The following ATP13A5 variants were observed in gnomAD, a reference collection of about 807,000 sequenced individuals.
The protein encoded by ATP13A5 is probable cation-transporting ATPase 13A5.
ATP13A5 carries 149 observed loss-of-function variants against 150.2 expected under a neutral mutation model. The ratio of observed to expected loss-of-function variants is 0.99; its 90% CI spans 0.87 to 1.14. The LOEUF is 1.14. ATP13A5 is among the 50% of genes most tolerant of loss of function. The pLI is 0.00. For synonymous variants in ATP13A5, 497 were observed against 522.2 expected (o/e 0.95, Z 0.66); for missense variants, 1,383 against 1,449.3 (o/e 0.95, Z 0.74).
chr3:193,321,591 AC>A, intron 16 of ATP13A5, 89 bp downstream of exon 16: 1 of 1,425,688 alleles, frequency 7.0e-7, no homozygotes, highest in Non-Finnish European at 9.6e-7. Flanking sequence ...AGATCGTGCC[AC>A]TGCACTCCAG....
rs755279570 is a variant in ATP13A5 at position 193,275,142 on chromosome 3, A to C, written c.3557T>G (p.Phe1186Cys). The C allele has an allele frequency of 6.2e-7, 1 of 1,614,150 alleles. No homozygotes were observed. The highest frequency in any genetic ancestry group is 8.5e-7 in the Non-Finnish European group (1 of 1,180,030). The stretch of plus-strand genomic sequence containing the variant: ...GCTTTCATAGCCTCCGTTGATGTAG[A>C]ATCCATTTTTGCCATCACCTGAATA... ...TDYSGDGKNGFYINGGYESHE... is the reference protein window; with the variant it reads ...TDYSGDGKNGCYINGGYESHE... Residue 1186 changes from phenylalanine (F) to cysteine (C), a missense_variant, in exon 30 of 30, where the codon TTC becomes TGC. Around this residue, in one of 3 missense-constraint regions of ATP13A5, gnomAD observed 568 missense variants for 621.5 expected, o/e 0.91. Coordinates refer to ENST00000342358, the MANE Select transcript of ATP13A5 (RefSeq NM_198505.4).
chr3:193,348,493 T>C (rs1712439145), intron 7 of ATP13A5, among the ~76,000 whole-genome samples: 2 of 152,148 alleles, frequency 1.3e-5, no homozygotes, highest in Admixed American at 6.5e-5. Context: ...TACAGTTCAA[T>C]GCAAATACAG....
In ATP13A5 at chr3:193,362,583, G is replaced by A. The variant is rs149501118; in HGVS notation, c.439C>T (p.Arg147Trp). The change falls in exon 4 of 30, where the codon CGG (arginine) becomes TGG (tryptophan). Residue 147 changes from arginine to tryptophan, a missense_variant. Physicochemically the swap from Arg to Trp is moderately radical, Grantham distance 101. Coordinates refer to ENST00000342358, the MANE Select transcript of ATP13A5 (RefSeq NM_198505.4). Reference protein sequence around the residue: ...IRYVWNDLEKRFQKVGLLEDS... With the variant: ...IRYVWNDLEKWFQKVGLLEDS... ...TGTACTTACCCAACTTTCTGAAACC[G>A]CTTCTCCAGGTCGTTCCAAACATAC... is the stretch of plus-strand genomic sequence containing the variant. 70 of 1,613,966 alleles carry A rather than the reference G, an allele frequency of 4.3e-5. No individual in the cohort carries two copies. In the African/African-American group the frequency reaches 6.5e-4, roughly 15 times the overall value.
intron 25 of ATP13A5, among the ~76,000 whole-genome samples, chr3:193,293,959 G>A (rs1487459595): frequency 6.6e-6 from 1 of 151,964 alleles, no homozygotes; most frequent in African/African-American, 2.4e-5. Flanking sequence ...TGAATTTCAC[G>A]ATCCCACCTT....
At chr3:193,286,844 C>A (rs1344959746) in intron 26 of ATP13A5, among the ~76,000 whole-genome samples, 1 of 152,104 alleles carries the variant, frequency 6.6e-6, no homozygotes, top group African/African-American at 2.4e-5. Flanking sequence ...CCAAGACAGG[C>A]CAAAAGCTAG....
rs1439965996 is a variant in ATP13A5, at chr3:193,321,811, C to T, written c.1785G>A (p.Leu595=). 6.2e-7 allele frequency: 1 copy of T among 1,614,066 alleles called. No individual in the cohort carries two copies. Among genetic ancestry groups the T allele is most frequent in the Non-Finnish European group, 8.5e-7 (1 of 1,179,992 alleles). ...SKSPVEAIIT[L]CQFPFSSSLQ... ...GGCTCGAGGAAAATGGAAACTGGCA[C>T]AAGGTGATGATGGCTTCCACTGGAC... Residue 595 remains leucine, a synonymous_variant, in exon 16 of 30, where the codon TTG becomes TTA. Transcript: ENST00000342358.
chr3:193,339,657 C>A (rs759836531), intron 9 of ATP13A5, among the ~76,000 whole-genome samples: 3 of 152,126 alleles, frequency 2.0e-5, no homozygotes, highest in Non-Finnish European at 2.9e-5. Flanking sequence ...TGATATTCAT[C>A]CATTGTGTAG....
At chr3:193,289,367 TAAAC>T (rs1283413820) in intron 26 of ATP13A5, among the ~76,000 whole-genome samples, 2 of 152,104 alleles carry the variant, frequency 1.3e-5, no homozygotes, top group Middle Eastern at 3.2e-3. Context: ...AAAAACAAAA[TAAAC>T]AAATCTCTCT....
chr3:193,307,010 A>G, intron 22 of ATP13A5: 1 of 724,734 alleles, frequency 1.4e-6, no homozygotes, highest in Non-Finnish European at 1.7e-6. Context: ...TTGAGAAATC[A>G]TTTCATTACT....
At position 193,322,474 on chromosome 3, in the gene ATP13A5, A is replaced by T. The variant is rs775535130; in HGVS notation, c.1758+17T>A. The T allele has an allele frequency of 6.3e-7, 1 of 1,587,284 alleles. No individual in the cohort carries two copies. The highest frequency in any genetic ancestry group is 8.6e-7 in the Non-Finnish European group (1 of 1,156,752). On this transcript the variant is annotated intron_variant, in intron 15 of 29. Transcript: ENST00000342358. ...TTATGGGGAAAGAGCTATGTGATGT[A>T]AAGAAGGAAATCATACCTTACTGGC...
At chr3:193,347,557 T>C (rs138100996) in intron 7 of ATP13A5, among the ~76,000 whole-genome samples, 2 of 151,224 alleles carry the variant, frequency 1.3e-5, no homozygotes, top group African/African-American at 4.9e-5. Context: ...GTTTAGATAA[T>C]GCCAAATTCA....
chr3:193,325,961 G>C (rs1719452698), intron 13 of ATP13A5, among the ~76,000 whole-genome samples: 1 of 152,174 alleles, frequency 6.6e-6, no homozygotes, highest in African/African-American at 2.4e-5. Context: ...TCTGGGCAAA[G>C]GGCTGGCCGG....
chr3:193,314,078 C>T lies in ATP13A5; in HGVS notation c.2274G>A (p.Val758=). The T allele has an allele frequency of 6.2e-7, 1 of 1,613,826 alleles. No homozygotes were observed. The highest frequency in any genetic ancestry group is 1.1e-5 in the South Asian group (1 of 91,052). The change falls in exon 19 of 30, where the codon GTG becomes GTA. Residue 758 remains valine, a synonymous_variant. Coordinates refer to ENST00000342358, the MANE Select transcript of ATP13A5 (RefSeq NM_198505.4). ...DEPEEFVPAS[V]TWQLVENQET... is the part of the protein sequence containing the mutation. The stretch of plus-strand genomic sequence containing the variant: ...CTTGGTTCTCCACCAGCTGCCAGGT[C>T]ACAGAGGCAGGAACAAATTCTTCTG...
At chr3:193,344,151 G>T in intron 8 of ATP13A5, 96 bp from the exon 9 acceptor site, 2 of 1,464,378 alleles carry the variant, frequency 1.4e-6, no homozygotes, top group South Asian at 2.8e-5. Context: ...TGTTGGCCAA[G>T]AGCTACCCTA....
rs773917749 is a variant in ATP13A5 at position 193,359,790 on chromosome 3, T to TGTGTGTGTGTGC, written c.536+2579_536+2590dup. Reference sequence around the variant, plus strand: ...TGATTGGTCTGGACTTAACCTCAAGTGTGTGTGTGTGCATGTGTGTGTGTG... The same window carrying TGTGTGTGTGTGC: ...TGATTGGTCTGGACTTAACCTCAAGTGTGTGTGTGTGCGTGTGTGTGTGCATGTGTGTGTGTG... On this transcript the variant is annotated intron_variant, in intron 5 of 29. Transcript: ENST00000342358. Among the ~76,000 whole-genome samples, 13 of 151,836 alleles carry TGTGTGTGTGTGC rather than the reference T, an allele frequency of 8.6e-5. No homozygotes were observed. In the South Asian group the frequency reaches 2.7e-3, roughly 32 times the overall value.
chr3:193,305,275 A>G (rs73074720), intron 23 of ATP13A5, among the ~76,000 whole-genome samples: 2,655 of 152,310 alleles, frequency 0.017, 104 homozygotes, highest in African/African-American at 0.06. Flanking sequence ...CAAATAGAGG[A>G]GAGAAAAAGT....
At position 193,324,946 on chromosome 3, in the gene ATP13A5, G is replaced by T; in HGVS notation, c.1592C>A (p.Ala531Asp). The T allele has an allele frequency of 1.2e-6, 2 of 1,614,086 alleles. No individual in the cohort carries two copies. The highest frequency in any genetic ancestry group is 1.1e-5 in the South Asian group (1 of 91,084). ...VPWSPLCAAMASCHSLILLNG... is the reference protein window; with the variant it reads ...VPWSPLCAAMDSCHSLILLNG... Reference sequence around the variant, plus strand: ...GAGAAGGATCAGAGAGTGGCAGCTGGCCATGGCCGCACACAGTGGGCTCCA... The same window carrying T: ...GAGAAGGATCAGAGAGTGGCAGCTGTCCATGGCCGCACACAGTGGGCTCCA... Residue 531 changes from alanine to aspartate, a missense_variant, in exon 14 of 30, where the codon GCC (alanine) becomes GAC (aspartate). Transcript: ENST00000342358.
At chr3:193,316,359 G>A (rs79467390) in intron 17 of ATP13A5, among the ~76,000 whole-genome samples, 2,227 of 152,046 alleles carry the variant, frequency 0.015, 47 homozygotes, top group Admixed American at 0.052. Context: ...GGATCACCTG[G>A]TGATCCAATG....
intron 7 of ATP13A5, among the ~76,000 whole-genome samples, chr3:193,350,258 T>C (rs576378691): frequency 5.3e-4 from 81 of 152,236 alleles, no homozygotes; most frequent in African/African-American, 1.9e-3. Context: ...AAAAATATGA[T>C]GGCATTAATA....
Sources: allele counts gnomAD v4.1 joint callset (sites outside exome capture counted in the v4.1 genomes callset), GRCh38; gene constraint gnomAD v4.1.1; regional missense constraint gnomAD v4.1.1; transcripts MANE v1.5; gene names NCBI Gene and HGNC (gene_info 2026-07-23, HGNC 2026-07-21).